TPTE: variants seen among roughly 807,000 people sequenced by gnomAD.
TPTE encodes putative tyrosine-protein phosphatase TPTE.
A neutral mutation model predicts 84.1 loss-of-function variants in TPTE; 59 were observed. That is an observed-to-expected ratio of 0.70 (90% CI 0.57 to 0.87). TPTE has a LOEUF of 0.87. TPTE is among the 40% of genes least tolerant of loss of function. The probability of loss-of-function intolerance (pLI) is 0.00; values close to 1 mark genes in which losing one functional copy is unlikely to be tolerated. For missense variants in TPTE, 382 were observed against 659.6 expected, an observed-to-expected ratio of 0.58 and a Z score of 4.61; for synonymous variants, 130 against 223.5, an observed-to-expected ratio of 0.58 and a Z score of 3.73.
chr21:10,559,785 A>AATTT (rs1568973359), intron 9 of TPTE, among the ~76,000 whole-genome samples: 1 of 152,292 alleles, frequency 6.6e-6, no homozygotes. Context: ...GAGGCAGAAG[A>AATTT]ATCGCTTGAA....
intron 8 of TPTE, among the ~76,000 whole-genome samples, chr21:10,553,014 C>T (rs866079274): frequency 3.9e-5 from 6 of 152,302 alleles, no homozygotes; most frequent in Non-Finnish European, 7.3e-5. Context: ...ATGCAGAATG[C>T]TACTTAACTC....
At chr21:10,575,272 G>T (rs1168823673) in intron 14 of TPTE, among the ~76,000 whole-genome samples, 1 of 152,312 alleles carries the variant, frequency 6.6e-6, no homozygotes, top group Non-Finnish European at 1.5e-5. Flanking sequence ...CTTTAAGCAG[G>T]ACCCCAATCA....
intron 3 of TPTE, among the ~76,000 whole-genome samples, chr21:10,533,905 G>T (rs1305581508): frequency 6.6e-6 from 1 of 152,430 alleles, no homozygotes; most frequent in South Asian, 2.1e-4. Flanking sequence ...TGGCAATGTG[G>T]CCAGACAGCA....
At chr21:10,531,376 T>C (rs1312534503) in intron 3 of TPTE, among the ~76,000 whole-genome samples, 1 of 152,310 alleles carries the variant, frequency 6.6e-6, no homozygotes, top group Non-Finnish European at 1.5e-5. Context: ...TTGATTCCCC[T>C]CTTGCCATTT....
At chr21:10,549,847 A>G (rs1286390681) in intron 7 of TPTE, among the ~76,000 whole-genome samples, 2 of 152,288 alleles carry the variant, frequency 1.3e-5, no homozygotes, top group Admixed American at 6.5e-5. Context: ...AAAGAACCCC[A>G]AATACATTCA....
rs267606168 is a variant in TPTE, at chr21:10,605,529, G to C, written c.1633G>C (p.Asp545His). The change falls in exon 24 of 24, where the codon GAT becomes CAT. Residue 545 changes from aspartate (D) to histidine (H), a missense_variant. Asp to His is a moderately conservative substitution (Grantham distance 81). Transcript: ENST00000618007. ...TTTTGGCGAGAAAATGACTTCCAGTGATGTTGTAGCTGGATCCGATTAAGT... is the reference window on the plus strand; with the variant it reads ...TTTTGGCGAGAAAATGACTTCCAGTCATGTTGTAGCTGGATCCGATTAAGT... ...ILFGEKMTSS[D>H]VVAGSD 1.0e-4 allele frequency: 163 copies of C among 1,613,030 alleles called. No homozygotes were observed. The highest frequency in any genetic ancestry group is 1.2e-4 in the Non-Finnish European group (146 of 1,178,902).
chr21:10,586,061 T>A (rs1458799605), intron 17 of TPTE, among the ~76,000 whole-genome samples: 1 of 152,304 alleles, frequency 6.6e-6, no homozygotes, highest in East Asian at 1.9e-4. Flanking sequence ...ATTTTTTACT[T>A]ATTTTTTATT....
chr21:10,536,138 T>C (rs574472365), intron 3 of TPTE, among the ~76,000 whole-genome samples: 1 of 152,418 alleles, frequency 6.6e-6, no homozygotes, highest in South Asian at 2.1e-4. Flanking sequence ...ATTAGCCAGG[T>C]GTGGTGGTGC....
chr21:10,603,916 C>T (rs1261547189), intron 23 of TPTE, among the ~76,000 whole-genome samples: 1 of 152,312 alleles, frequency 6.6e-6, no homozygotes, highest in Non-Finnish European at 1.5e-5. Flanking sequence ...TAAATTCCTC[C>T]CAGAGAAGTT....
chr21:10,546,372 C>T (rs1288870959), intron 7 of TPTE, among the ~76,000 whole-genome samples: 1 of 152,306 alleles, frequency 6.6e-6, no homozygotes, highest in Non-Finnish European at 1.5e-5. Flanking sequence ...TCTCCTTGGG[C>T]CTCCCTATTC....
intron 3 of TPTE, among the ~76,000 whole-genome samples, chr21:10,534,746 C>CTGG (rs1401935090): frequency 6.6e-6 from 1 of 152,304 alleles, no homozygotes. Context: ...TTCTGAAGTA[C>CTGG]TGGTAGTTTC....
At chr21:10,579,954 C>T (rs2075241724) in intron 17 of TPTE, among the ~76,000 whole-genome samples, 1 of 152,310 alleles carries the variant, frequency 6.6e-6, no homozygotes, top group Non-Finnish European at 1.5e-5. Flanking sequence ...TCCACAATAA[C>T]TACTAATTTA....
intron 17 of TPTE, among the ~76,000 whole-genome samples, chr21:10,587,550 C>CTT (rs61197958): frequency 0.039 from 5,324 of 137,258 alleles, no homozygotes; most frequent in African/African-American, 0.12. Flanking sequence ...GAAATGATTT[C>CTT]TTTTTTTTTT....
At chr21:10,525,880 T>C (rs1379899490) in intron 2 of TPTE, among the ~76,000 whole-genome samples, 1 of 152,306 alleles carries the variant, frequency 6.6e-6, no homozygotes, top group African/African-American at 2.4e-5. Context: ...TTTTGGAGAT[T>C]AGTTTCCCAA....
chr21:10,582,629 C>T (rs1471713902), intron 17 of TPTE, among the ~76,000 whole-genome samples: 2 of 152,308 alleles, frequency 1.3e-5, no homozygotes, highest in East Asian at 1.9e-4. Flanking sequence ...TGTCTTTGCA[C>T]ATCTTTTCAA....
At chr21:10,569,623 TG>T in intron 12 of TPTE, 59 bp from the exon 13 acceptor site, 1 of 1,613,942 alleles carries the variant, frequency 6.2e-7, no homozygotes, top group Non-Finnish European at 8.5e-7. Flanking sequence ...TACTGTATAA[TG>T]TTTTTTATTT....
chr21:10,527,082 T>C (rs2074092085), intron 2 of TPTE, among the ~76,000 whole-genome samples: 1 of 152,308 alleles, frequency 6.6e-6, no homozygotes, highest in Admixed American at 6.5e-5. Flanking sequence ...AACTAGCCAT[T>C]GATATAGAAA....
At chr21:10,574,279 G>A (rs1197641151) in intron 14 of TPTE, among the ~76,000 whole-genome samples, 29 of 152,346 alleles carry the variant, frequency 1.9e-4, no homozygotes, top group South Asian at 1.5e-3. Context: ...ATCAGTTGCC[G>A]AGAGGTGGAA....
At chr21:10,548,047 C>T (rs1399461446) in intron 7 of TPTE, among the ~76,000 whole-genome samples, 5 of 152,306 alleles carry the variant, frequency 3.3e-5, no homozygotes, top group Non-Finnish European at 5.9e-5. Context: ...CCTGGCGTGC[C>T]CAGTAGCCCT....
Sources: gnomAD v4.1 joint callset for allele counts (sites outside exome capture counted in the v4.1 genomes callset) on GRCh38, gnomAD v4.1.1 for gene constraint, MANE v1.5 for transcripts, NCBI Gene and HGNC (gene_info 2026-07-23, HGNC 2026-07-21) for gene names.